GPHN: variants seen among roughly 807,000 people sequenced by gnomAD.
The protein encoded by GPHN is gephyrin.
A neutral mutation model predicts 95.5 loss-of-function variants in GPHN; 17 were observed. The ratio of observed to expected loss-of-function variants is 0.18; its 90% CI spans 0.12 to 0.27. The LOEUF is 0.27. Ranked by LOEUF, GPHN falls within the 10% of genes least tolerant of loss-of-function variation. The pLI is 1.00. For missense variants in GPHN, 660 were observed against 978.1 expected (o/e 0.67, Z 4.34); for synonymous variants, 320 against 322.5 (o/e 0.99, Z 0.08).
the GPHN span, chr14:67,205,125 C>G: frequency 2.6e-6 from 4 of 1,513,994 alleles, no homozygotes; most frequent in African/African-American, 5.6e-5. Context: ...CTTTAATAAT[C>G]GAGAACTAGA....
intron 1 of GPHN, among the ~76,000 whole-genome samples, chr14:66,629,844 A>G (rs1202034827): frequency 1.3e-5 from 2 of 152,180 alleles, no homozygotes; most frequent in African/African-American, 2.4e-5. Context: ...CATGACTTCA[A>G]TTATACTCTA....
the GPHN span, chr14:67,320,974 G>GA: frequency 3.3e-5 from 37 of 1,133,756 alleles, no homozygotes; most frequent in Non-Finnish European, 4.3e-5. Flanking sequence ...TTACAAAATA[G>GA]AAATTCTTTC....
At chr14:67,573,361 G>A in the GPHN span, 10 of 1,611,484 alleles carry the variant, frequency 6.2e-6, no homozygotes, top group Non-Finnish European at 8.5e-6. The surrounding 1 kb of genome is among the most constrained non-coding windows in gnomAD (Gnocchi z 4.8). Context: ...CTGAGACAGG[G>A]ACAGATTATG....
the GPHN span, chr14:67,725,302 G>A: frequency 2.5e-6 from 4 of 1,595,670 alleles, no homozygotes; most frequent in Non-Finnish European, 8.6e-7. Context: ...GGGTATGGGA[G>A]TGGCTGCTCC....
the GPHN span, among the ~76,000 whole-genome samples, chr14:67,366,576 T>A: frequency 6.6e-6 from 1 of 152,214 alleles, no homozygotes; most frequent in Non-Finnish European, 1.5e-5. Flanking sequence ...TACAAATGCG[T>A]GCAATGCAAT....
the GPHN span, chr14:67,198,438 C>T: frequency 1.1e-6 from 1 of 925,890 alleles, no homozygotes; most frequent in South Asian, 1.8e-5. Context: ...TGTGATACTA[C>T]AAAAGAGAAC....
chr14:66,691,881 C>T (rs1176092427), intron 2 of GPHN, among the ~76,000 whole-genome samples: 4 of 152,088 alleles, frequency 2.6e-5, no homozygotes, highest in African/African-American at 7.2e-5. Flanking sequence ...ACTAAACAAA[C>T]AATAGCAAAA....
chr14:67,102,044 T>A (rs1003294193), intron 13 of GPHN, among the ~76,000 whole-genome samples: 1 of 151,766 alleles, frequency 6.6e-6, no homozygotes, highest in East Asian at 2.0e-4. Flanking sequence ...CCTAATTTTT[T>A]TGTATTTTTA....
rs577392809 is a variant in GPHN, at chr14:66,933,699, A to C, written c.828+9407A>C. ...TATCTCACAACAGATTATTATTTTT[A>C]GTACAGGAGATGACATATATGAGGA... On this transcript the variant is annotated intron_variant, in intron 8 of 22. Coordinates refer to ENST00000478722, the MANE Select transcript of GPHN (RefSeq NM_020806.5). 1.8e-4 allele frequency among the ~76,000 whole-genome samples: 27 copies of C among 152,380 alleles called. No homozygotes were observed. In the South Asian group the frequency reaches 5.6e-3, roughly 32 times the overall value.
the GPHN span, among the ~76,000 whole-genome samples, chr14:67,243,414 C>T: frequency 6.6e-6 from 1 of 151,622 alleles, no homozygotes; most frequent in Admixed American, 6.6e-5. Context: ...CCTCGAACTC[C>T]TGACCTCAGG....
At position 66,508,249 on chromosome 14, in the gene GPHN, G is replaced by C. The variant is rs1438147278; in HGVS notation, c.-279G>C. The C allele has an allele frequency of 7.2e-6, 4 of 552,210 alleles. No individual in the cohort carries two copies. The highest frequency in any genetic ancestry group is 3.1e-5 in the East Asian group (1 of 32,092). The allele number at this position is 552,210 out of a possible 1,614,324, so 34.2% of individuals were successfully genotyped here. A position where few individuals can be genotyped will look rare whatever the true frequency, so the allele number is the denominator to read the frequency against. On this transcript the variant is annotated 5_prime_UTR_variant, in exon 1 of 23. Transcript: ENST00000478722. ...TCTGCCGCCTCCGCGCGCTCTCCCC[G>C]TGCGGCCACCGCGCCCCCCAAGCTT...
chr14:67,070,715 A>AAAAAATATATATATATATATATAT, intron 11 of GPHN, among the ~76,000 whole-genome samples: 15 of 80,654 alleles, frequency 1.9e-4, no homozygotes, highest in South Asian at 1.7e-3. Flanking sequence ...AAAAAAAAAA[A>AAAAAATATATATATATATATATAT]ATATATATAT....
chr14:67,666,142 G>A, the GPHN span, among the ~76,000 whole-genome samples: 1 of 152,242 alleles, frequency 6.6e-6, no homozygotes, highest in Admixed American at 6.5e-5. Context: ...CAGACAGTAA[G>A]AAGCAGTACT....
chr14:67,194,706 T>G, the GPHN span, among the ~76,000 whole-genome samples: 29 of 152,292 alleles, frequency 1.9e-4, no homozygotes, highest in African/African-American at 7.0e-4. Flanking sequence ...TTTCACCTTG[T>G]TGGTCAGGCT....
At chr14:67,146,933 T>G (rs2153707814) in intron 18 of GPHN, among the ~76,000 whole-genome samples, 1 of 152,314 alleles carries the variant, frequency 6.6e-6, no homozygotes, top group Non-Finnish European at 1.5e-5. Context: ...CTTGGGAGGC[T>G]GAGGCACAAG....
At chr14:67,439,593 C>CTTTTTTTCTTTCT in the GPHN span, among the ~76,000 whole-genome samples, 11 of 109,828 alleles carry the variant, frequency 1.0e-4, no homozygotes, top group African/African-American at 3.7e-4. Context: ...TTCTTTCTTT[C>CTTTTTTTCTTTCT]TTCTTTCTTT....
At chr14:67,645,784 CAG>C in the GPHN span, 1 of 1,613,932 alleles carries the variant, frequency 6.2e-7, no homozygotes, top group Non-Finnish European at 8.5e-7. Context: ...CATTTCTCCT[CAG>C]AGAACTACAG....
the GPHN span, among the ~76,000 whole-genome samples, chr14:67,215,839 C>A: frequency 2.0e-3 from 310 of 152,228 alleles, no homozygotes; most frequent in African/African-American, 7.0e-3. Flanking sequence ...GCCCCCAACC[C>A]TTGTCTAACA....
chr14:66,807,622 C>T (rs920503701), intron 3 of GPHN, among the ~76,000 whole-genome samples: 1 of 152,160 alleles, frequency 6.6e-6, no homozygotes, highest in Non-Finnish European at 1.5e-5. Flanking sequence ...TCTGAACTTC[C>T]CAGTTACTAT....
Sources: gnomAD v4.1 joint callset for allele counts (sites outside exome capture counted in the v4.1 genomes callset) on GRCh38, gnomAD v4.1.1 for gene constraint, Gnocchi (gnomAD v3.1) non-coding constraint, MANE v1.5 for transcripts, NCBI Gene and HGNC (gene_info 2026-07-23, HGNC 2026-07-21) for gene names.